The following NRXN1 variants were observed in gnomAD, a reference collection of about 807,000 sequenced individuals.
NRXN1 encodes the protein neurexin 1, also known as neurexin-1.
In NRXN1, 39 loss-of-function variants were observed where a neutral mutation model predicts 150.9. The ratio of observed to expected loss-of-function variants is 0.26; its 90% CI spans 0.20 to 0.34. The LOEUF (loss-of-function observed/expected upper bound fraction) is 0.34, where lower values mean the gene tolerates loss of function less well. Among genes scored for constraint, NRXN1 ranks in the 10% least tolerant of loss-of-function variants. NRXN1 has a pLI of 1.00. For missense variants in NRXN1, 1,815 were observed against 1,949.9 expected (o/e 0.93, Z 1.30); for synonymous variants, 924 against 757.0 (o/e 1.22, Z -3.62).
intron 17 of NRXN1, among the ~76,000 whole-genome samples, chr2:50,389,197 G>A (rs4971671): frequency 0.53 from 80,291 of 150,468 alleles, 22,674 homozygotes; most frequent in East Asian, 0.81. Flanking sequence ...AAAATAAAAA[G>A]TAAATATGTG....
rs527512085 is a variant in NRXN1 at position 50,543,420 on chromosome 2, C to T, written c.1760-4784G>A. Among the ~76,000 whole-genome samples the T allele has an allele frequency of 2.0e-5, 3 of 152,022 alleles. No homozygotes were observed. The South Asian group carries it at 6.2e-4, about 31-fold the overall frequency. The stretch of plus-strand genomic sequence containing the variant: ...ATTTTATTTTTTAAAGGAATGAGAT[C>T]GCAACTAAAAATAAATTATTTGTGG... On this transcript the variant is annotated intron_variant, in intron 9 of 22. Transcript: ENST00000401669.
chr2:50,429,611 T>C (rs566522086), intron 17 of NRXN1, among the ~76,000 whole-genome samples: 133 of 152,244 alleles, frequency 8.7e-4, no homozygotes, highest in Admixed American at 2.1e-3. Context: ...CCAAGAGAAA[T>C]AGATCAAGAG....
At chr2:50,301,758 A>G (rs2074171517) in intron 17 of NRXN1, among the ~76,000 whole-genome samples, 1 of 152,336 alleles carries the variant, frequency 6.6e-6, no homozygotes, top group African/African-American at 2.4e-5. Context: ...ACAGATGAAC[A>G]GCATGAAGAA....
At chr2:50,289,119 G>T (rs539842750) in intron 17 of NRXN1, among the ~76,000 whole-genome samples, 4 of 152,210 alleles carry the variant, frequency 2.6e-5, no homozygotes, top group African/African-American at 9.6e-5. Context: ...AGCTTGGTTT[G>T]GGAAATGACT....
At chr2:50,142,573 C>G (rs899307640) in intron 18 of NRXN1, among the ~76,000 whole-genome samples, 2 of 151,178 alleles carry the variant, frequency 1.3e-5, no homozygotes, top group Non-Finnish European at 3.0e-5. Context: ...ATCACATGTA[C>G]CCAGTAAATA....
chr2:50,465,948 T>C (rs2088790859), intron 16 of NRXN1, among the ~76,000 whole-genome samples: 1 of 151,772 alleles, frequency 6.6e-6, no homozygotes, highest in African/African-American at 2.4e-5. Context: ...GAAATGGAGA[T>C]TATAACTTCA....
chr2:50,219,446 C>A (rs1025791582), intron 18 of NRXN1, among the ~76,000 whole-genome samples: 1 of 151,068 alleles, frequency 6.6e-6, no homozygotes, highest in Non-Finnish European at 1.5e-5. Context: ...ATAAAAAGGC[C>A]CTATGAGGTT....
Position 50,015,663 on chromosome 2 carries a change from T to A in NRXN1, c.4128+37608A>T, listed in dbSNP as rs1400511291. On this transcript the variant is annotated intron_variant, in intron 21 of 22. Transcript: ENST00000401669. ...TGTTCCATGCATCAGTAATAATGAA[T>A]GAAAAACAAGAAAGCACTTGCAGGG... Among the ~76,000 whole-genome samples, 9 of 151,934 alleles carry A rather than the reference T, an allele frequency of 5.9e-5. No individual in the cohort carries two copies. In the South Asian group the frequency reaches 1.0e-3, roughly 17 times the overall value.
chr2:50,958,957 G>A (rs574514916), intron 2 of NRXN1, among the ~76,000 whole-genome samples: 30 of 151,800 alleles, frequency 2.0e-4, no homozygotes, highest in Non-Finnish European at 4.0e-4. Context: ...ATTATGATGT[G>A]GTATCATTTT....
At chr2:50,888,778 G>GTGGCTTAAC (rs144591947) in intron 5 of NRXN1, among the ~76,000 whole-genome samples, 1,928 of 151,782 alleles carry the variant, frequency 0.013, 16 homozygotes, top group Non-Finnish European at 0.019. Context: ...TTTGAATTCT[G>GTGGCTTAAC]TGGCTTAACT....
At position 50,053,587 on chromosome 2, in the gene NRXN1, C is replaced by A; in HGVS notation, c.3812G>T (p.Arg1271Leu). The change falls in exon 21 of 23, where the codon CGT becomes CTT. Residue 1271 changes from arginine (R) to leucine (L), a missense_variant. Arg to Leu is a moderately radical substitution (Grantham distance 102). Coordinates refer to ENST00000401669, the MANE Select transcript of NRXN1 (RefSeq NM_001330078.2). ...VVDEWLLDKGRQLTIFNSQAT... is the reference protein window; with the variant it reads ...VVDEWLLDKGLQLTIFNSQAT... ...TTGGCTATTGAAGATTGTGAGCTGA[C>A]GCCCTGTAAAAATAATATTACATAC... The A allele has an allele frequency of 6.2e-7, 1 of 1,613,830 alleles. No individual in the cohort carries two copies. The highest frequency in any genetic ancestry group is 8.5e-7 in the Non-Finnish European group (1 of 1,179,848).
chr2:50,120,745 T>C (rs1574022908), intron 18 of NRXN1, among the ~76,000 whole-genome samples: 1 of 152,328 alleles, frequency 6.6e-6, no homozygotes, highest in South Asian at 2.1e-4. Context: ...CCGGTTAAGT[T>C]ATTAAAATTT....
chr2:50,486,761 G>C (rs76570331), intron 15 of NRXN1, among the ~76,000 whole-genome samples: 7 of 152,232 alleles, frequency 4.6e-5, no homozygotes, highest in African/African-American at 1.7e-4. Flanking sequence ...ATAAACTTGA[G>C]ATGGCAAATG....
In NRXN1 at chr2:50,459,761, A is replaced by G. The variant is rs114658339; in HGVS notation, c.3364+5681T>C. 3.6e-3 allele frequency among the ~76,000 whole-genome samples: 546 copies of G among 152,246 alleles called. 3 individuals carry two copies. The highest frequency in any genetic ancestry group is 0.012 in the African/African-American group (495 of 41,560). ...TTATTTGGTATTGTGCAAGGTTCTG[A>G]TAATTCACTGTGATTTATCTTCAGT... On this transcript the variant is annotated intron_variant, in intron 17 of 22. Coordinates refer to ENST00000401669, the MANE Select transcript of NRXN1 (RefSeq NM_001330078.2).
intron 5 of NRXN1, among the ~76,000 whole-genome samples, chr2:50,633,656 A>G (rs1487657526): frequency 2.0e-5 from 3 of 152,152 alleles, no homozygotes; most frequent in African/African-American, 7.2e-5. Flanking sequence ...GCACAAGAGA[A>G]GGAACACTGA....
chr2:50,919,981 C>A, intron 5 of NRXN1: 2 of 387,866 alleles, frequency 5.2e-6, no homozygotes, highest in South Asian at 2.0e-5. Flanking sequence ...TATTTCTGCT[C>A]TAGAATATAG....
At chr2:50,077,088 T>TGTAAGCTG (rs1697230113) in intron 19 of NRXN1, among the ~76,000 whole-genome samples, 1 of 152,208 alleles carries the variant, frequency 6.6e-6, no homozygotes, top group South Asian at 2.1e-4. Flanking sequence ...AAGGAGATAC[T>TGTAAGCTG]GTAAGCTGTC....
At chr2:49,971,397 G>T (rs1677931515) in intron 21 of NRXN1, among the ~76,000 whole-genome samples, 1 of 152,100 alleles carries the variant, frequency 6.6e-6, no homozygotes, top group Non-Finnish European at 1.5e-5. Flanking sequence ...TATTTCCCTA[G>T]TTAATGTGTT....
At chr2:50,938,142 T>G (rs1558454291) in intron 2 of NRXN1, among the ~76,000 whole-genome samples, 2 of 152,176 alleles carry the variant, frequency 1.3e-5, no homozygotes, top group African/African-American at 4.8e-5. Flanking sequence ...AAAGTTACTC[T>G]GGGCAAGTCA....
Sources: allele counts gnomAD v4.1 joint callset (sites outside exome capture counted in the v4.1 genomes callset), GRCh38; gene constraint gnomAD v4.1.1; transcripts MANE v1.5; gene names NCBI Gene and HGNC (gene_info 2026-07-23, HGNC 2026-07-21).